ACTB: variants seen among roughly 807,000 people sequenced by gnomAD.
ACTB encodes actin beta.
A neutral mutation model predicts 30.5 loss-of-function variants in ACTB; 2 were observed. The observed-to-expected ratio is 0.07, with a 90% CI of 0.03 to 0.21. ACTB has a LOEUF of 0.21. Ranked by LOEUF, ACTB falls within the 10% of genes least tolerant of loss-of-function variation. The probability of loss-of-function intolerance (pLI) is 1.00; values close to 1 mark genes in which losing one functional copy is unlikely to be tolerated. For missense variants in ACTB, 56 were observed against 530.0 expected, an observed-to-expected ratio of 0.11 and a Z score of 8.78; for synonymous variants, 335 against 217.6, an observed-to-expected ratio of 1.54 and a Z score of -4.75.
At chr7:5,528,828 C>T in intron 3 of ACTB, 109 bp from the exon 4 acceptor site, 1 of 1,470,178 alleles carries the variant, frequency 6.8e-7, no homozygotes, top group Middle Eastern at 1.7e-4. Context: ...GTGCTGGGGT[C>T]TTGGGATGGG....
intron 3 of ACTB, 74 bp from the exon 4 acceptor site, chr7:5,528,793 G>GA: frequency 6.4e-7 from 1 of 1,554,880 alleles, no homozygotes; most frequent in Non-Finnish European, 8.9e-7. Flanking sequence ...GGGACATGCA[G>GA]AAAGTGCAAA....
At chr7:5,528,891 T>C (rs1584262476) in intron 3 of ACTB, 172 bp from the exon 4 acceptor site, 4 of 1,420,238 alleles carry the variant, frequency 2.8e-6, no homozygotes, top group East Asian at 4.9e-5. Context: ...CAAGGCCGCT[T>C]TACACCAGCC....
rs2128241151 is a variant in ACTB, at chr7:5,527,754, G to A, written c.1122C>T (p.Cys374=). The A allele has an allele frequency of 6.2e-7, 1 of 1,613,814 alleles. No individual in the cohort carries two copies. The highest frequency in any genetic ancestry group is 8.5e-7 in the Non-Finnish European group (1 of 1,179,996). The change falls in exon 6 of 6, where the codon TGC becomes TGT. Residue 374 remains cysteine, a synonymous_variant. Coordinates refer to ENST00000646664, the MANE Select transcript of ACTB (RefSeq NM_001101.5). ...CAACTAAGTCATAGTCCGCCTAGAA[G>A]CATTTGCGGTGGACGATGGAGGGGC... ...ESGPSIVHRK[C]F
chr7:5,527,862 G>A lies in ACTB; in HGVS notation c.1014C>T (p.Ser338=), dbSNP rs1064790. Reference sequence around the variant, plus strand: ...CCAGGATGGAGCCGCCGATCCACACGGAGTACTTGCGCTCAGGAGGAGCAA... The same window carrying A: ...CCAGGATGGAGCCGCCGATCCACACAGAGTACTTGCGCTCAGGAGGAGCAA... ...KIIAPPERKY[S]VWIGGSILAS... is the part of the protein sequence containing the mutation. Residue 338 remains serine (S), a synonymous_variant, in exon 6 of 6, where the codon TCC becomes TCT. Coordinates refer to ENST00000646664, the MANE Select transcript of ACTB (RefSeq NM_001101.5). The A allele has an allele frequency of 1.5e-5, 24 of 1,613,932 alleles. No homozygotes were observed. The highest frequency in any genetic ancestry group is 8.9e-5 in the East Asian group (4 of 44,884).
At chr7:5,528,982 C>G (rs1295021604) in intron 3 of ACTB, 179 bp downstream of exon 3, 15 of 1,581,576 alleles carry the variant, frequency 9.5e-6, no homozygotes, top group Non-Finnish European at 1.3e-5. Context: ...AGACAAACAC[C>G]AGAAAAAGAG....
rs1784841440 is a variant in ACTB at position 5,529,660 on chromosome 7, T to C, written c.-3A>G. 1 of 1,611,272 alleles carries C rather than the reference T, an allele frequency of 6.2e-7. No homozygotes were observed. Among genetic ancestry groups the C allele is most frequent in the Non-Finnish European group, 8.5e-7 (1 of 1,179,602 alleles). ...AGCGCGGCGATATCATCATCCATGG[T>C]GAGCTGCGAGAATAGCCGGGCGCGC... On this transcript the variant is annotated 5_prime_UTR_variant, in exon 2 of 6. Coordinates refer to ENST00000646664, the MANE Select transcript of ACTB (RefSeq NM_001101.5).
In ACTB at chr7:5,527,898, A is replaced by G; in HGVS notation, c.985-7T>C. The G allele has an allele frequency of 6.2e-7, 1 of 1,612,930 alleles. No individual in the cohort carries two copies. On this transcript the variant is annotated splice_polypyrimidine_tract_variant and splice_region_variant and intron_variant, in intron 5 of 5. Coordinates refer to ENST00000646664, the MANE Select transcript of ACTB (RefSeq NM_001101.5). ...GCTCAGGAGGAGCAATGATCTGAGGAGGGAAGGGGACAGGCAGTGAGGACC... is the reference window on the plus strand; with the variant it reads ...GCTCAGGAGGAGCAATGATCTGAGGGGGGAAGGGGACAGGCAGTGAGGACC...
intron 3 of ACTB, 169 bp downstream of exon 3, chr7:5,528,992 G>C: frequency 1.9e-6 from 3 of 1,592,920 alleles, no homozygotes; most frequent in Middle Eastern, 1.7e-4. Context: ...CAGAAAAAGA[G>C]CTCATCTGGG....
In ACTB at chr7:5,527,475, T is replaced by G; in HGVS notation, c.*273A>C. 1 of 545,984 alleles carries G rather than the reference T, an allele frequency of 1.8e-6. No homozygotes were observed. Among genetic ancestry groups the G allele is most frequent in the East Asian group, 3.6e-5 (1 of 28,050 alleles). The allele number at this position is 545,984 out of a possible 1,614,324, so 33.8% of individuals were successfully genotyped here. A position where few individuals can be genotyped will look rare whatever the true frequency, so the allele number is the denominator to read the frequency against. ...TTTTAGGATGGCAAGGGACTTCCTGTAACAACGCATCTCATATTTGGAATG... is the reference window on the plus strand; with the variant it reads ...TTTTAGGATGGCAAGGGACTTCCTGGAACAACGCATCTCATATTTGGAATG... On this transcript the variant is annotated 3_prime_UTR_variant, in exon 6 of 6. Transcript: ENST00000646664.
chr7:5,529,124 G>A (rs200359258), intron 3 of ACTB, 37 bp downstream of exon 3: 2 of 1,613,756 alleles, frequency 1.2e-6, no homozygotes, highest in Admixed American at 1.7e-5. Context: ...CCAGGAAGGA[G>A]GGAGGCGGCC....
In ACTB at chr7:5,527,419, G is replaced by T; in HGVS notation, c.*329C>A. The T allele has an allele frequency of 2.2e-6, 1 of 447,934 alleles. No homozygotes were observed. The highest frequency in any genetic ancestry group is 4.1e-6 in the Non-Finnish European group (1 of 244,404). The allele number at this position is 447,934 out of a possible 1,614,324, so 27.7% of individuals were successfully genotyped here. A position where few individuals can be genotyped will look rare whatever the true frequency, so the allele number is the denominator to read the frequency against. The stretch of plus-strand genomic sequence containing the variant: ...CCTGTGTGGACTTGGGAGAGGACTG[G>T]GCCATTCTCCTTAGAGAGAAGTGGG... On this transcript the variant is annotated 3_prime_UTR_variant, in exon 6 of 6. Transcript: ENST00000646664.
rs1353236339 is a variant in ACTB, at chr7:5,527,407, G to C, written c.*341C>G. On this transcript the variant is annotated 3_prime_UTR_variant, in exon 6 of 6. Coordinates refer to ENST00000646664, the MANE Select transcript of ACTB (RefSeq NM_001101.5). Reference sequence around the variant, plus strand: ...GCTATCACCTCCCCTGTGTGGACTTGGGAGAGGACTGGGCCATTCTCCTTA... The same window carrying C: ...GCTATCACCTCCCCTGTGTGGACTTCGGAGAGGACTGGGCCATTCTCCTTA... The C allele has an allele frequency of 2.4e-6, 1 of 417,164 alleles. No homozygotes were observed. The highest frequency in any genetic ancestry group is 4.4e-6 in the Non-Finnish European group (1 of 226,390). The allele number at this position is 417,164 out of a possible 1,614,324, so 25.8% of individuals were successfully genotyped here.
rs760078095 is a variant in ACTB at position 5,529,055 on chromosome 7, G to A, written c.363+106C>T. The stretch of plus-strand genomic sequence containing the variant: ...CAAAGGAGACTCAGGTCAGAGAAGA[G>A]AGTCCTACGGAAAACGGCAGAAGAG... On this transcript the variant is annotated intron_variant, in intron 3 of 5. Transcript: ENST00000646664. The A allele has an allele frequency of 4.3e-6, 7 of 1,613,022 alleles. No individual in the cohort carries two copies. The Admixed American group carries it at 1.0e-4, about 23-fold the overall frequency.
chr7:5,529,464 C>A (rs1330208951), intron 2 of ACTB, 64 bp from the exon 3 acceptor site: 2 of 1,613,274 alleles, frequency 1.2e-6, no homozygotes, highest in Non-Finnish European at 1.7e-6. Context: ...AACCGGGAGG[C>A]TCCTGTGCAG....
chr7:5,529,873 T>G, intron 1 of ACTB: 1 of 799,860 alleles, frequency 1.3e-6, no homozygotes. Flanking sequence ...CCCAACCCCC[T>G]CCCAACCGGG....
chr7:5,529,924 G>C, intron 1 of ACTB: 1 of 408,400 alleles, frequency 2.4e-6, no homozygotes, highest in Non-Finnish European at 4.4e-6. Context: ...GCGCCGGGTC[G>C]GCGCGCGCGC....
chr7:5,528,816 G>C (rs146082458), intron 3 of ACTB, 97 bp from the exon 4 acceptor site: 1 of 1,491,596 alleles, frequency 6.7e-7, no homozygotes, highest in East Asian at 2.3e-5. Flanking sequence ...ACACGGCTAA[G>C]TGTGCTGGGG....
In ACTB at chr7:5,529,326, G is replaced by A. The variant is rs750565033; in HGVS notation, c.198C>T (p.Thr66=). The A allele has an allele frequency of 3.0e-5, 49 of 1,613,928 alleles. No individual in the cohort carries two copies. Among genetic ancestry groups the A allele is most frequent in the Middle Eastern group, 1.6e-4 (1 of 6,084 alleles). ...DEAQSKRGIL[T]LKYPIEHGIV... ...TGCCGTGCTCGATGGGGTACTTCAG[G>A]GTGAGGATGCCTCTCTTGCTCTGGG... Residue 66 remains threonine, a synonymous_variant, in exon 3 of 6, where the codon ACC becomes ACT. Transcript: ENST00000646664.
intron 2 of ACTB, 50 bp downstream of exon 2, chr7:5,529,485 C>G (rs752050587): frequency 1.2e-6 from 2 of 1,612,490 alleles, no homozygotes; most frequent in Non-Finnish European, 1.7e-6. Context: ...AGAAAGCGCC[C>G]TTGCCTCCCG....
Sources: allele counts gnomAD v4.1 joint callset, GRCh38; gene constraint gnomAD v4.1.1; transcripts MANE v1.5; gene names NCBI Gene and HGNC (gene_info 2026-07-23, HGNC 2026-07-21).